Variants in SLF1 observed in about 807,000 individuals in gnomAD.
The protein encoded by SLF1 is SMC5-SMC6 complex localization factor protein 1.
SLF1 carries 105 observed loss-of-function variants against 123.0 expected under a neutral mutation model. The observed-to-expected ratio is 0.85, with a 90% CI of 0.73 to 1.00. The LOEUF (loss-of-function observed/expected upper bound fraction) is 1.00. SLF1 is among the 50% of genes least tolerant of loss of function. The pLI is 0.00. For missense variants in SLF1, 1,239 were observed against 1,223.0 expected (o/e 1.01, Z -0.20); for synonymous variants, 434 against 406.6 (o/e 1.07, Z -0.81).
intron 1 of SLF1, among the ~76,000 whole-genome samples, chr5:94,620,972 A>G (rs1212631423): frequency 6.6e-6 from 1 of 152,186 alleles, no homozygotes; most frequent in Non-Finnish European, 1.5e-5. Flanking sequence ...GAAAATAATG[A>G]AAACTTTGTT....
rs777467078 is a variant in SLF1 at position 94,630,484 on chromosome 5, C to T, written c.191-19C>T. On this transcript the variant is annotated intron_variant, in intron 3 of 20. Coordinates refer to ENST00000265140, the MANE Select transcript of SLF1 (RefSeq NM_032290.4). ...AGAACCAAAATTCCTTTGTGACTGA[C>T]AGCTCATTTGCTTTCTAGGAAAGTG... 1.3e-4 allele frequency: 206 copies of T among 1,534,022 alleles called. 1 individual carries two copies. The South Asian group carries it at 2.1e-3, about 16-fold the overall frequency.
At chr5:94,625,716 A>G (rs1792177685) in intron 1 of SLF1, among the ~76,000 whole-genome samples, 1 of 152,138 alleles carries the variant, frequency 6.6e-6, no homozygotes, top group Admixed American at 6.5e-5. Context: ...AATTTGCTTA[A>G]AGGATTTAAA....
At position 94,645,739 on chromosome 5, in the gene SLF1, A is replaced by C. The variant is rs573557975; in HGVS notation, c.594+2304A>C. Among the ~76,000 whole-genome samples, 4 of 152,332 alleles carry C rather than the reference A, an allele frequency of 2.6e-5. No homozygotes were observed. In the East Asian group the frequency reaches 7.7e-4, roughly 29 times the overall value. ...AAGTCTCCAACTTATATTTGGTTTT[A>C]GAATACATTGTTTTATAAGTTCTGG... On this transcript the variant is annotated intron_variant, in intron 5 of 20. Coordinates refer to ENST00000265140, the MANE Select transcript of SLF1 (RefSeq NM_032290.4).
In SLF1 at chr5:94,629,085, C is replaced by T; in HGVS notation, c.115-7C>T. 1 of 1,528,350 alleles carries T rather than the reference C, an allele frequency of 6.5e-7. No homozygotes were observed. The allele number at this position is 1,528,350 out of a possible 1,614,324, so 94.7% of individuals were successfully genotyped here. ...TAACATTTCTTGATGTGGATTTTTC[C>T]CTCCAGAAATACAAAAATTGTACAC... On this transcript the variant is annotated splice_region_variant and splice_polypyrimidine_tract_variant and intron_variant, in intron 2 of 20. Coordinates refer to ENST00000265140, the MANE Select transcript of SLF1 (RefSeq NM_032290.4).
At chr5:94,624,293 G>C (rs976589380) in intron 1 of SLF1, among the ~76,000 whole-genome samples, 4 of 152,010 alleles carry the variant, frequency 2.6e-5, no homozygotes, top group African/African-American at 9.7e-5. Flanking sequence ...GAAATAAATT[G>C]CTTTAAAAGG....
At chr5:94,692,398 G>A (rs1753134951) in intron 20 of SLF1, 142 bp downstream of exon 20, 2 of 849,490 alleles carry the variant, frequency 2.4e-6, no homozygotes, top group Non-Finnish European at 3.5e-6. Context: ...AGGATAAAAA[G>A]TCTCCTAAAA....
rs140191160 is a variant in SLF1 at position 94,636,710 on chromosome 5, A to ATTTTTTTTTTTTTTTTTTTTTTTT, written c.431+5969_431+5992dup. Among the ~76,000 whole-genome samples the ATTTTTTTTTTTTTTTTTTTTTTTT allele has an allele frequency of 9.3e-5, 7 of 75,462 alleles. 1 individual carries two copies. The highest frequency in any genetic ancestry group is 7.0e-5 in the Non-Finnish European group (3 of 42,808). 49.5% of individuals were successfully genotyped at this position (75,462 alleles called of 152,430 possible). ...ATCTGTATGTTCTTGTATTTTACTG[A>ATTTTTTTTTTTTTTTTTTTTTTTT]TTTTTTTTTTTTTTTTTTTTTTTTT... On this transcript the variant is annotated intron_variant, in intron 4 of 20. Transcript: ENST00000265140.
chr5:94,653,517 A>G (rs532105237), intron 8 of SLF1, 96 bp downstream of exon 8: 19 of 1,099,880 alleles, frequency 1.7e-5, no homozygotes, highest in Non-Finnish European at 2.2e-5. Flanking sequence ...TTAAGAAAAA[A>G]TCTTGAGTCA....
intron 1 of SLF1, among the ~76,000 whole-genome samples, chr5:94,625,049 C>A (rs1226334468): frequency 6.6e-6 from 1 of 151,224 alleles, no homozygotes; most frequent in African/African-American, 2.4e-5. Context: ...AAAAAATTAG[C>A]CAGGCTGGTG....
intron 15 of SLF1, among the ~76,000 whole-genome samples, 192 bp from the exon 16 acceptor site, chr5:94,686,381 C>T (rs2152497026): frequency 1.3e-5 from 2 of 151,910 alleles, no homozygotes; most frequent in East Asian, 3.9e-4. Flanking sequence ...GAACATGTGC[C>T]ATTAAATATT....
chr5:94,664,174 G>A (rs1365216864), intron 11 of SLF1, among the ~76,000 whole-genome samples: 2 of 152,076 alleles, frequency 1.3e-5, no homozygotes, highest in Non-Finnish European at 2.9e-5. Context: ...TTTTCTCACG[G>A]CAGTAAAGTA....
chr5:94,644,761 T>A (rs1046152459), intron 5 of SLF1, among the ~76,000 whole-genome samples: 11 of 152,188 alleles, frequency 7.2e-5, no homozygotes, highest in African/African-American at 2.4e-4. Flanking sequence ...TTTAGCTTGG[T>A]ACTCCTTACA....
chr5:94,639,037 CTTT>C (rs764031689), intron 4 of SLF1, among the ~76,000 whole-genome samples: 1 of 88,962 alleles, frequency 1.1e-5, no homozygotes, highest in Admixed American at 1.4e-4. Context: ...CTTTTCTTCC[CTTT>C]TTTTTTTTTT....
intron 1 of SLF1, among the ~76,000 whole-genome samples, chr5:94,620,956 T>C (rs1178409286): frequency 1.3e-5 from 2 of 152,150 alleles, no homozygotes; most frequent in Non-Finnish European, 2.9e-5. Context: ...AAATCACTTT[T>C]GAGAGGAAAA....
chr5:94,627,724 C>T (rs1744677165), intron 1 of SLF1, among the ~76,000 whole-genome samples: 1 of 149,694 alleles, frequency 6.7e-6, no homozygotes, highest in Non-Finnish European at 1.5e-5. Flanking sequence ...TCTCCAGTAA[C>T]GTATACATAT....
chr5:94,665,181 C>T (rs1749594357), intron 11 of SLF1, among the ~76,000 whole-genome samples: 1 of 152,176 alleles, frequency 6.6e-6, no homozygotes, highest in East Asian at 1.9e-4. Context: ...GGTGCTGTGG[C>T]TCACACCTGT....
chr5:94,666,648 T>G (rs1749791702), intron 12 of SLF1, among the ~76,000 whole-genome samples: 1 of 152,178 alleles, frequency 6.6e-6, no homozygotes, highest in South Asian at 2.1e-4. Flanking sequence ...GATCTTTTCT[T>G]TTTTTGAGAC....
rs150730131 is a variant in SLF1, at chr5:94,686,689, T to G, written c.2092T>G (p.Ser698Ala). The change falls in exon 16 of 21, where the codon TCT becomes GCT. Residue 698 changes from serine (S) to alanine (A), a missense_variant. Ser to Ala is a moderately conservative substitution (Grantham distance 99, BLOSUM62 1). Coordinates refer to ENST00000265140, the MANE Select transcript of SLF1 (RefSeq NM_032290.4). ...KLCLQSSGSV[S>A]SEPLSLQKMV... The stretch of plus-strand genomic sequence containing the variant: ...GTGTCTACAGAGCTCTGGCAGTGTT[T>G]CTTCTGAGCCACTCTCTCTTCAGAA... The G allele has an allele frequency of 3.1e-6, 5 of 1,614,124 alleles. No individual in the cohort carries two copies. The highest frequency in any genetic ancestry group is 1.7e-5 in the Admixed American group (1 of 60,030).
At chr5:94,639,058 T>TTTTTTTTA (rs1746154117) in intron 4 of SLF1, among the ~76,000 whole-genome samples, 2 of 138,760 alleles carry the variant, frequency 1.4e-5, no homozygotes, top group South Asian at 2.3e-4. Context: ...TTTTTTTTTT[T>TTTTTTTTA]GAGATGGAGT....
Sources: gnomAD v4.1 joint callset for allele counts (sites outside exome capture counted in the v4.1 genomes callset) on GRCh38, gnomAD v4.1.1 for gene constraint, MANE v1.5 for transcripts, NCBI Gene and HGNC (gene_info 2026-07-23, HGNC 2026-07-21) for gene names.